The following DIAPH3 variants were observed in gnomAD, a reference collection of about 807,000 sequenced individuals.
The protein encoded by DIAPH3 is protein diaphanous homolog 3.
In DIAPH3, 117 loss-of-function variants were observed where a neutral mutation model predicts 144.3. That is an observed-to-expected ratio of 0.81 (90% CI 0.70 to 0.95). DIAPH3 has a LOEUF of 0.95. Ranked by LOEUF, DIAPH3 falls within the 40% of genes least tolerant of loss-of-function variation. The pLI is 0.00. For missense variants in DIAPH3, 1,421 were observed against 1,412.7 expected (o/e 1.01, Z -0.09); for synonymous variants, 519 against 488.9 (o/e 1.06, Z -0.81).
intron 1 of DIAPH3, among the ~76,000 whole-genome samples, chr13:60,154,854 A>G (rs1951946817): frequency 6.6e-6 from 1 of 152,222 alleles, no homozygotes; most frequent in South Asian, 2.1e-4. Context: ...ATTCTTTAGC[A>G]TTCATTTGAT....
chr13:59,811,664 G>A (rs1464995440), intron 24 of DIAPH3, among the ~76,000 whole-genome samples: 1 of 149,108 alleles, frequency 6.7e-6, no homozygotes, highest in Non-Finnish European at 1.5e-5. Context: ...GTGAACCCAG[G>A]AGGCAGAGCT....
At chr13:59,971,300 C>T in intron 15 of DIAPH3, 140 bp from the exon 16 acceptor site, 1 of 782,950 alleles carries the variant, frequency 1.3e-6, no homozygotes. Flanking sequence ...AACCAAAAAT[C>T]AAAATTCCAA....
chr13:59,934,103 T>C (rs966810688), intron 17 of DIAPH3, among the ~76,000 whole-genome samples: 4 of 152,154 alleles, frequency 2.6e-5, no homozygotes, highest in African/African-American at 9.6e-5. Context: ...TTAAATGTTT[T>C]AGTAGTCAGT....
intron 17 of DIAPH3, among the ~76,000 whole-genome samples, chr13:59,944,794 A>AGG (rs36116687): frequency 0.17 from 24,885 of 147,344 alleles, 2,562 homozygotes; most frequent in South Asian, 0.24. Flanking sequence ...TTAGAAAAAA[A>AGG]GGGGGGGGGC....
At chr13:59,755,081 A>G (rs1047664409) in intron 27 of DIAPH3, among the ~76,000 whole-genome samples, 1 of 152,170 alleles carries the variant, frequency 6.6e-6, no homozygotes, top group African/African-American at 2.4e-5. Flanking sequence ...TTAAATGCTT[A>G]TATGTTCTGT....
chr13:59,990,067 T>A (rs1398460238), intron 12 of DIAPH3, among the ~76,000 whole-genome samples: 2 of 151,928 alleles, frequency 1.3e-5, no homozygotes, highest in Non-Finnish European at 2.9e-5. Context: ...TTAGCAATTC[T>A]TAATCTAGCA....
rs1159092943 is a variant in DIAPH3 at position 60,009,439 on chromosome 13, A to G, written c.909-790T>C. 2.0e-5 allele frequency among the ~76,000 whole-genome samples: 3 copies of G among 152,168 alleles called. No homozygotes were observed. The East Asian group carries it at 5.8e-4, about 29-fold the overall frequency. ...GAAAGAGGAGGAAGAAAAGGGAAAA[A>G]GAGGAGGTTAAAAGACAGAATTAAA... On this transcript the variant is annotated intron_variant, in intron 8 of 27. Coordinates refer to ENST00000400324, the MANE Select transcript of DIAPH3 (RefSeq NM_001042517.2).
chr13:59,961,326 T>C (rs141322919), intron 17 of DIAPH3, among the ~76,000 whole-genome samples: 2 of 152,302 alleles, frequency 1.3e-5, no homozygotes, highest in African/African-American at 2.4e-5. Context: ...CCTCATGATA[T>C]GGGTATTATG....
At chr13:59,760,115 AATGCACT>A (rs1216493464) in intron 27 of DIAPH3, among the ~76,000 whole-genome samples, 1 of 152,204 alleles carries the variant, frequency 6.6e-6, no homozygotes, top group Non-Finnish European at 1.5e-5. Flanking sequence ...GATTTTCCTT[AATGCACT>A]ATGCCCTTCA....
intron 20 of DIAPH3, among the ~76,000 whole-genome samples, chr13:59,897,827 TAAAATA>T (rs1402883835): frequency 1.3e-5 from 2 of 148,466 alleles, no homozygotes; most frequent in African/African-American, 5.0e-5. Flanking sequence ...GAAAAAAGTG[TAAAATA>T]AAAATAAGAG....
intron 17 of DIAPH3, among the ~76,000 whole-genome samples, chr13:59,938,824 G>A (rs529152587): frequency 1.3e-5 from 2 of 152,148 alleles, no homozygotes; most frequent in Non-Finnish European, 2.9e-5. Flanking sequence ...GGGAGTTAGT[G>A]TTTAATGGGT....
chr13:60,158,813 G>C lies in DIAPH3; in HGVS notation c.180+4774C>G, dbSNP rs1182853229. Reference sequence around the variant, plus strand: ...GTCTCTCAGGGGCTGGAAGAGCAAAGAGCAGTATCTCTTTCAGACATCCTG... The same window carrying C: ...GTCTCTCAGGGGCTGGAAGAGCAAACAGCAGTATCTCTTTCAGACATCCTG... On this transcript the variant is annotated intron_variant, in intron 1 of 27. Transcript: ENST00000400324. Among the ~76,000 whole-genome samples the C allele has an allele frequency of 3.4e-5, 5 of 145,230 alleles. No homozygotes were observed. The East Asian group carries it at 1.0e-3, about 30-fold the overall frequency.
intron 17 of DIAPH3, among the ~76,000 whole-genome samples, chr13:59,942,122 T>C (rs2048566692): frequency 6.6e-6 from 1 of 152,200 alleles, no homozygotes; most frequent in Non-Finnish European, 1.5e-5. Flanking sequence ...TTTGAGCAAA[T>C]ATTCTTCAGG....
Position 59,971,089 on chromosome 13 carries a change from T to C in DIAPH3, c.1722A>G (p.Ala574=). Residue 574 remains alanine (A), a synonymous_variant, in exon 16 of 28, where the codon GCA becomes GCG. Coordinates refer to ENST00000400324, the MANE Select transcript of DIAPH3 (RefSeq NM_001042517.2). ...PSKEGGTGHS[A]LPPPPPLPSG... is the part of the protein sequence containing the mutation. ...AAGGCAGTGGAGGCGGAGGAGGAAG[T>C]GCTGAGTGGCCAGTTCCACCTTCTT... is the stretch of plus-strand genomic sequence containing the variant. 6.2e-7 allele frequency: 1 copy of C among 1,612,464 alleles called. No individual in the cohort carries two copies. The highest frequency in any genetic ancestry group is 2.2e-5 in the East Asian group (1 of 44,732).
intron 4 of DIAPH3, among the ~76,000 whole-genome samples, chr13:60,068,995 T>C (rs931123573): frequency 1.3e-5 from 2 of 152,198 alleles, no homozygotes; most frequent in African/African-American, 2.4e-5. Flanking sequence ...CCTTTGGGTA[T>C]ATACTCAGTA....
At chr13:59,917,684 A>G (rs1056548439) in intron 18 of DIAPH3, among the ~76,000 whole-genome samples, 1 of 151,914 alleles carries the variant, frequency 6.6e-6, no homozygotes, top group Non-Finnish European at 1.5e-5. Flanking sequence ...AGGTCAGCAG[A>G]TCGAGATCAT....
chr13:59,763,277 TACATATATTC>T (rs2037697973), intron 27 of DIAPH3, among the ~76,000 whole-genome samples: 1 of 147,784 alleles, frequency 6.8e-6, no homozygotes, highest in African/African-American at 2.5e-5. Flanking sequence ...TACACATATA[TACATATATTC>T]ACATATATGT....
In DIAPH3 at chr13:60,105,099, C is replaced by CAAAAAAAAAAA. The variant is rs60853102; in HGVS notation, c.390+6900_390+6910dup. Among the ~76,000 whole-genome samples, 56 of 41,770 alleles carry CAAAAAAAAAAA rather than the reference C, an allele frequency of 1.3e-3. 2 individuals carry two copies. Among genetic ancestry groups the CAAAAAAAAAAA allele is most frequent in the African/African-American group, 2.5e-3 (25 of 9,878 alleles). The allele number at this position is 41,770 out of a possible 152,430, so 27.4% of individuals were successfully genotyped here. A position where few individuals can be genotyped will look rare whatever the true frequency, so the allele number is the denominator to read the frequency against. ...TGGGCGACAAAGTGAGACACGATCT[C>CAAAAAAAAAAA]AAAAAAAAAAAAAAAAAAAAAAAAA... On this transcript the variant is annotated intron_variant, in intron 3 of 27. Transcript: ENST00000400324.
chr13:59,743,481 G>C (rs977917925), intron 27 of DIAPH3, among the ~76,000 whole-genome samples: 1 of 152,128 alleles, frequency 6.6e-6, no homozygotes, highest in Non-Finnish European at 1.5e-5. Context: ...TACCTTGTTG[G>C]GGGTGGATGA....
Sources: gnomAD v4.1 joint callset for allele counts (sites outside exome capture counted in the v4.1 genomes callset) on GRCh38, gnomAD v4.1.1 for gene constraint, MANE v1.5 for transcripts, NCBI Gene and HGNC (gene_info 2026-07-23, HGNC 2026-07-21) for gene names.